Variants in TRIM37 observed in about 807,000 individuals in gnomAD.
The protein encoded by TRIM37 is E3 ubiquitin-protein ligase TRIM37.
Under a neutral mutation model 129.8 loss-of-function variants are expected in TRIM37, and 80 were observed. That is an observed-to-expected ratio of 0.62 (90% confidence interval 0.51 to 0.74). The LOEUF (loss-of-function observed/expected upper bound fraction) is 0.74. TRIM37 is among the 30% of genes least tolerant of loss of function. The probability of loss-of-function intolerance (pLI) is 0.00; values close to 1 mark genes in which losing one functional copy is unlikely to be tolerated. For synonymous variants in TRIM37, 389 were observed against 387.1 expected, an observed-to-expected ratio of 1.00 and a Z score of -0.06; for missense variants, 1,054 against 1,176.5, an observed-to-expected ratio of 0.90 and a Z score of 1.52.
intron 19 of TRIM37, among the ~76,000 whole-genome samples, chr17:59,024,214 C>CAAA (rs1237722939): frequency 4.8e-4 from 36 of 74,902 alleles, no homozygotes; most frequent in Admixed American, 6.8e-4. Context: ...AATTCCGTAT[C>CAAA]AAAAAAAAAA....
chr17:58,995,319 A>G (rs1377556674), downstream of TRIM37, among the ~76,000 whole-genome samples: 1 of 152,110 alleles, frequency 6.6e-6, no homozygotes, highest in Non-Finnish European at 1.5e-5. Flanking sequence ...GCATTCTCCA[A>G]TAAAAAGAAC....
chr17:58,997,498 T>A (rs1436234267), downstream of TRIM37, among the ~76,000 whole-genome samples: 1 of 152,118 alleles, frequency 6.6e-6, no homozygotes, highest in African/African-American at 2.4e-5. Context: ...ACAGGTTTGA[T>A]ACACAACTCA....
At chr17:59,065,402 G>A (rs1248733213) in intron 9 of TRIM37, among the ~76,000 whole-genome samples, 1 of 152,066 alleles carries the variant, frequency 6.6e-6, no homozygotes, top group Non-Finnish European at 1.5e-5. Context: ...TCACCTAAGG[G>A]GCAACTGTGA....
At chr17:59,051,800 G>A (rs1212589695) in intron 13 of TRIM37, among the ~76,000 whole-genome samples, 1 of 151,042 alleles carries the variant, frequency 6.6e-6, no homozygotes, top group Non-Finnish European at 1.5e-5. Context: ...GCGGGATCTC[G>A]GCTCACTGCA....
At chr17:58,996,639 G>A (rs189711097), downstream of TRIM37, among the ~76,000 whole-genome samples, 18 of 151,774 alleles carry the variant, frequency 1.2e-4, 1 homozygote, top group African/African-American at 4.3e-4. Flanking sequence ...AAATTAGCCA[G>A]GTGTGTTGGT....
At chr17:59,041,740 T>C in intron 17 of TRIM37, 73 bp downstream of exon 17, 1 of 1,161,114 alleles carries the variant, frequency 8.6e-7, no homozygotes, top group Non-Finnish European at 1.3e-6. Flanking sequence ...ACCACCTATT[T>C]AAAATATAAT....
chr17:59,087,748 T>C (rs1285991799), intron 4 of TRIM37, among the ~76,000 whole-genome samples: 1 of 152,212 alleles, frequency 6.6e-6, no homozygotes, highest in Non-Finnish European at 1.5e-5. Flanking sequence ...GGTCCTGGAA[T>C]CTCACCTAAT....
chr17:59,097,347 T>C (rs2044998302), intron 2 of TRIM37, among the ~76,000 whole-genome samples: 1 of 152,098 alleles, frequency 6.6e-6, no homozygotes, highest in Admixed American at 6.6e-5. Context: ...GAAGTGAAAT[T>C]ATCTTTTTGC....
intron 11 of TRIM37, 51 bp downstream of exon 11, chr17:59,062,516 C>T: frequency 6.8e-7 from 1 of 1,472,056 alleles, no homozygotes; most frequent in South Asian, 1.2e-5. Flanking sequence ...CTACAGAACT[C>T]TGAAAGAAAG....
intron 16 of TRIM37, among the ~76,000 whole-genome samples, chr17:59,042,661 G>A (rs998027550): frequency 2.7e-5 from 4 of 150,938 alleles, no homozygotes; most frequent in Non-Finnish European, 5.9e-5. Context: ...TCCTCGGGAG[G>A]CTGAGGCAGC....
chr17:59,085,587 T>C (rs1410034062), intron 4 of TRIM37, among the ~76,000 whole-genome samples: 1 of 152,178 alleles, frequency 6.6e-6, no homozygotes, highest in Non-Finnish European at 1.5e-5. Context: ...TGTGCACTAC[T>C]GGTGGGACTG....
chr17:59,105,252 T>C (rs2045891371), intron 1 of TRIM37, among the ~76,000 whole-genome samples: 1 of 152,206 alleles, frequency 6.6e-6, no homozygotes, highest in South Asian at 2.1e-4. Flanking sequence ...GGCAGTGTAC[T>C]GTGACCCAGA....
At chr17:59,051,734 GT>G (rs765874078) in intron 13 of TRIM37, among the ~76,000 whole-genome samples, 69 of 144,922 alleles carry the variant, frequency 4.8e-4, no homozygotes, top group Non-Finnish European at 5.2e-4. Context: ...AAAATACAAA[GT>G]TTTTTTTTTT....
At chr17:59,104,247 T>C in intron 2 of TRIM37, 46 bp downstream of exon 2, 3 of 1,514,202 alleles carry the variant, frequency 2.0e-6, no homozygotes, top group Admixed American at 1.7e-5. Context: ...ATCCTTACAA[T>C]ATATACTATA....
chr17:59,010,843 C>T (rs1175823154), intron 22 of TRIM37, among the ~76,000 whole-genome samples: 2 of 152,106 alleles, frequency 1.3e-5, no homozygotes, highest in African/African-American at 4.8e-5. Flanking sequence ...ATTTAAGCTA[C>T]TACAATCCAG....
At chr17:59,058,458 A>G (rs2041176472) in intron 12 of TRIM37, among the ~76,000 whole-genome samples, 1 of 152,198 alleles carries the variant, frequency 6.6e-6, no homozygotes, top group Non-Finnish European at 1.5e-5. Flanking sequence ...GGGTGATGAA[A>G]TAATCTGTAC....
At position 58,999,022 on chromosome 17, in the gene TRIM37, C is replaced by A. The variant is rs1256943759; in HGVS notation, c.*355G>T. On this transcript the variant is annotated 3_prime_UTR_variant, in exon 24 of 24. Coordinates refer to ENST00000262294, the MANE Select transcript of TRIM37 (RefSeq NM_015294.6). ...AAGACAGTAGAGCACCAATGCCGGG[C>A]GGGTTACTGACGGCATGCAGGGCCT... The A allele has an allele frequency of 1.7e-5, 19 of 1,122,952 alleles. No homozygotes were observed. The highest frequency in any genetic ancestry group is 2.1e-5 in the Non-Finnish European group (19 of 911,806). 69.6% of individuals were successfully genotyped at this position (1,122,952 alleles called of 1,614,324 possible).
At chr17:59,085,863 A>C (rs893004065) in intron 4 of TRIM37, among the ~76,000 whole-genome samples, 13 of 152,170 alleles carry the variant, frequency 8.5e-5, no homozygotes, top group African/African-American at 3.1e-4. Context: ...ATTAACCCTT[A>C]AAAAGGTGGG....
chr17:58,980,674 G>A, downstream of TRIM37: 1 of 1,614,202 alleles, frequency 6.2e-7, no homozygotes, highest in Non-Finnish European at 8.5e-7. The surrounding 1 kb of genome is among the most constrained non-coding windows in gnomAD (Gnocchi z 4.7). Context: ...CAACAGGGGA[G>A]CAGATATACA....
Sources: gnomAD v4.1 joint callset for allele counts (sites outside exome capture counted in the v4.1 genomes callset) on GRCh38, gnomAD v4.1.1 for gene constraint, Gnocchi (gnomAD v3.1) non-coding constraint, MANE v1.5 for transcripts, NCBI Gene and HGNC (gene_info 2026-07-23, HGNC 2026-07-21) for gene names.